The following BEAN1 variants were observed in gnomAD, a reference collection of about 807,000 sequenced individuals.
The protein encoded by BEAN1 is brain expressed associated with NEDD4 1.
BEAN1 carries 17 observed loss-of-function variants against 17.7 expected under a neutral mutation model. The ratio of observed to expected loss-of-function variants is 0.96; its 90% CI spans 0.66 to 1.44. BEAN1 has a LOEUF of 1.44. BEAN1 is among the 40% of genes most tolerant of loss of function. The pLI is 0.00. For synonymous variants in BEAN1, 142 were observed against 151.8 expected, an observed-to-expected ratio of 0.94 and a Z score of 0.47; for missense variants, 359 against 374.1, an observed-to-expected ratio of 0.96 and a Z score of 0.33.
chr16:66,470,835 C>T (rs531882071), intron 3 of BEAN1, among the ~76,000 whole-genome samples: 4 of 152,334 alleles, frequency 2.6e-5, no homozygotes, highest in South Asian at 2.1e-4. Context: ...CATTCTCAGA[C>T]GATTTTCAAT....
chr16:66,470,522 T>C (rs1195418985), intron 3 of BEAN1, among the ~76,000 whole-genome samples: 1 of 151,936 alleles, frequency 6.6e-6, no homozygotes, highest in Non-Finnish European at 1.5e-5. Flanking sequence ...AGGTGGGCAG[T>C]GGGATGGGTT....
downstream of BEAN1, chr16:66,485,258 C>A (rs1964072459): frequency 1.6e-5 from 6 of 375,006 alleles, no homozygotes; most frequent in Non-Finnish European, 2.7e-5. Flanking sequence ...CTCAGCTCCA[C>A]CTCCTGTGGT....
At chr16:66,438,298 T>G (rs1962111307) in intron 2 of BEAN1, among the ~76,000 whole-genome samples, 1 of 152,044 alleles carries the variant, frequency 6.6e-6, no homozygotes, top group African/African-American at 2.4e-5. Context: ...GCAGGAGAAT[T>G]GCTTGAATCC....
Position 66,469,628 on chromosome 16 carries a change from T to G in BEAN1, c.52T>G (p.Phe18Val), listed in dbSNP as rs767396059. The change falls in exon 3 of 5, where the codon TTC (phenylalanine) becomes GTC (valine). Residue 18 changes from phenylalanine to valine, a missense_variant. By Grantham distance (50) the Phe-to-Val change is conservative. Coordinates refer to ENST00000536005, the MANE Select transcript of BEAN1 (RefSeq NM_001178020.3). The stretch of plus-strand genomic sequence containing the variant: ...AGCACGATACAACCGCACCAGCTAC[T>G]TCTACCCCACATTCTCAGAGAGCTC... ...PLARYNRTSY[F>V]YPTFSESSEH... 6.5e-7 allele frequency: 1 copy of G among 1,535,982 alleles called. No individual in the cohort carries two copies. Among genetic ancestry groups the G allele is most frequent in the African/African-American group, 1.4e-5 (1 of 73,022 alleles).
intron 2 of BEAN1, among the ~76,000 whole-genome samples, chr16:66,453,504 A>G (rs1962753783): frequency 6.6e-6 from 1 of 151,938 alleles, no homozygotes; most frequent in African/African-American, 2.4e-5. Flanking sequence ...GACTATAGGC[A>G]TGCACCACCA....
At chr16:66,475,294 G>C (rs1963692097) in intron 3 of BEAN1, among the ~76,000 whole-genome samples, 1 of 151,970 alleles carries the variant, frequency 6.6e-6, no homozygotes, top group South Asian at 2.1e-4. Context: ...GAGCACCTTA[G>C]GGCAGCCTCA....
chr16:66,437,655 G>T lies in BEAN1; in HGVS notation c.-22G>T, dbSNP rs577726420. The T allele has an allele frequency of 1.9e-5, 29 of 1,535,828 alleles. No individual in the cohort carries two copies. Among genetic ancestry groups the T allele is most frequent in the Non-Finnish European group, 2.4e-5 (28 of 1,146,698 alleles). On this transcript the variant is annotated 5_prime_UTR_variant, in exon 2 of 5. Coordinates refer to ENST00000536005, the MANE Select transcript of BEAN1 (RefSeq NM_001178020.3). ...CTGTGCCCGTGGGCAGGCTGGCTCC[G>T]CTGTTCTGCTCCAAGGATTACATGT...
Position 66,481,250 on chromosome 16 carries a change from CG to C in BEAN1, c.*327del. 1 of 399,876 alleles carries C rather than the reference CG, an allele frequency of 2.5e-6. No individual in the cohort carries two copies. The highest frequency in any genetic ancestry group is 4.4e-6 in the Non-Finnish European group (1 of 226,882). 24.8% of individuals were successfully genotyped at this position (399,876 alleles called of 1,614,324 possible). On this transcript the variant is annotated 3_prime_UTR_variant, in exon 5 of 5. Coordinates refer to ENST00000536005, the MANE Select transcript of BEAN1 (RefSeq NM_001178020.3). The surrounding 1 kb of genome is among the most constrained non-coding windows in gnomAD (Gnocchi z 4.1). ...TGTTGTGCCTCTGTAGAGAGCGCTT[CG>C]GAGAGAGAGGCGAAGTAGGAAGTGG... is the stretch of plus-strand genomic sequence containing the variant.
At chr16:66,447,365 T>C (rs1048257878) in intron 2 of BEAN1, among the ~76,000 whole-genome samples, 4 of 152,158 alleles carry the variant, frequency 2.6e-5, no homozygotes, top group African/African-American at 9.7e-5. Flanking sequence ...TGAGCCTTTG[T>C]TTTTTCACCT....
At chr16:66,479,694 G>A (rs570142907) in intron 4 of BEAN1, among the ~76,000 whole-genome samples, 4 of 152,274 alleles carry the variant, frequency 2.6e-5, no homozygotes, top group East Asian at 3.9e-4. Context: ...GGATCAAGAC[G>A]GGTTCCTCTC....
Position 66,471,825 on chromosome 16 carries a change from C to T in BEAN1, c.289+1960C>T, listed in dbSNP as rs532193363. Among the ~76,000 whole-genome samples the T allele has an allele frequency of 6.6e-5, 10 of 152,356 alleles. No individual in the cohort carries two copies. Among genetic ancestry groups the T allele is most frequent in the African/African-American group, 2.4e-4 (10 of 41,594 alleles). ...AGACAAGCCAGAAGCACTCCCAGGCCAGGACGGGCCTGTCCCACCCCTGCA... is the reference window on the plus strand; with the variant it reads ...AGACAAGCCAGAAGCACTCCCAGGCTAGGACGGGCCTGTCCCACCCCTGCA... On this transcript the variant is annotated intron_variant, in intron 3 of 4. Transcript: ENST00000536005. The surrounding 1 kb of genome is among the most constrained non-coding windows in gnomAD (Gnocchi z 4.7).
rs1339181738 is a variant in BEAN1, at chr16:66,471,240, G to C, written c.289+1375G>C. On this transcript the variant is annotated intron_variant, in intron 3 of 4. Transcript: ENST00000536005. This position sits in a 1 kb window ranked among gnomAD's most constrained non-coding sequence, Gnocchi z 4.7. Reference sequence around the variant, plus strand: ...AACTGGTTAAGGAGGGGACTGATGGGTAGCTGGAGCTGGTGAACAGGAGCC... The same window carrying C: ...AACTGGTTAAGGAGGGGACTGATGGCTAGCTGGAGCTGGTGAACAGGAGCC... Among the ~76,000 whole-genome samples, 1 of 152,224 alleles carries C rather than the reference G, an allele frequency of 6.6e-6. No homozygotes were observed. The highest frequency in any genetic ancestry group is 2.4e-5 in the African/African-American group (1 of 41,460).
intron 2 of BEAN1, among the ~76,000 whole-genome samples, chr16:66,444,045 C>A (rs1392414671): frequency 6.6e-6 from 1 of 152,224 alleles, no homozygotes; most frequent in African/African-American, 2.4e-5. Flanking sequence ...TTCAACCTGG[C>A]TGGAGGACTA....
At chr16:66,440,583 A>G (rs1156650272) in intron 2 of BEAN1, among the ~76,000 whole-genome samples, 1 of 152,134 alleles carries the variant, frequency 6.6e-6, no homozygotes, top group Non-Finnish European at 1.5e-5. Flanking sequence ...TTCTCCCTGC[A>G]CCTGCCCTGG....
At chr16:66,437,761 T>A in intron 2 of BEAN1, 60 bp downstream of exon 2, 7 of 1,495,936 alleles carry the variant, frequency 4.7e-6, no homozygotes, top group Non-Finnish European at 6.3e-6. Flanking sequence ...GAGCTTGGAG[T>A]CGAGCTGCAG....
intron 2 of BEAN1, among the ~76,000 whole-genome samples, chr16:66,457,821 T>C (rs1015537732): frequency 1.3e-5 from 2 of 149,592 alleles, no homozygotes; most frequent in African/African-American, 4.9e-5. Context: ...GACTCAGAAG[T>C]ATCCAAACCA....
At chr16:66,470,170 C>CGATGGATGGATGGATG (rs71376799) in intron 3 of BEAN1, 29 of 345,010 alleles carry the variant, frequency 8.4e-5, no homozygotes, top group African/African-American at 6.4e-4. Context: ...TCTGGTGTCT[C>CGATGGATGGATGGATG]GATGGATGGA....
At chr16:66,445,475 C>CAAAAAAAAAAAAAAAAAAAAAA (rs61540693) in intron 2 of BEAN1, among the ~76,000 whole-genome samples, 2 of 49,304 alleles carry the variant, frequency 4.1e-5, no homozygotes, top group Non-Finnish European at 7.0e-5. Flanking sequence ...GACTCCGTCT[C>CAAAAAAAAAAAAAAAAAAAAAA]AAAAAAAAAA....
chr16:66,439,741 A>G (rs2142381565), intron 2 of BEAN1, among the ~76,000 whole-genome samples: 1 of 152,244 alleles, frequency 6.6e-6, no homozygotes, highest in Middle Eastern at 3.4e-3. Flanking sequence ...ACACATAATT[A>G]AACACCCTGG....
Sources: gnomAD v4.1 joint callset for allele counts (sites outside exome capture counted in the v4.1 genomes callset) on GRCh38, gnomAD v4.1.1 for gene constraint, Gnocchi (gnomAD v3.1) non-coding constraint, MANE v1.5 for transcripts, NCBI Gene and HGNC (gene_info 2026-07-23, HGNC 2026-07-21) for gene names.